GABRG1: variants seen among roughly 807,000 people sequenced by gnomAD.
GABRG1 encodes gamma-aminobutyric acid type A receptor subunit gamma1.
In GABRG1, 49 loss-of-function variants were observed where a neutral mutation model predicts 49.8. That is an observed-to-expected ratio of 0.98 (90% CI 0.78 to 1.25). GABRG1 has a LOEUF of 1.25. Ranked by LOEUF, GABRG1 falls within the 50% of genes most tolerant of loss-of-function variation. The probability of loss-of-function intolerance (pLI) is 0.00; values close to 1 mark genes in which losing one functional copy is unlikely to be tolerated. For synonymous variants in GABRG1, 232 were observed against 185.1 expected (o/e 1.25, Z -2.06); for missense variants, 552 against 552.3 (o/e 1.00, Z 0.01).
At chr4:46,097,725 A>G (rs954685555) in intron 1 of GABRG1, among the ~76,000 whole-genome samples, 2 of 151,646 alleles carry the variant, frequency 1.3e-5, no homozygotes, top group Admixed American at 6.6e-5. Flanking sequence ...AAAAATAAAA[A>G]TTAAAAGGTA....
chr4:46,119,993 G>A (rs955277337), intron 1 of GABRG1, among the ~76,000 whole-genome samples: 4 of 151,610 alleles, frequency 2.6e-5, no homozygotes, highest in African/African-American at 9.7e-5. Context: ...TTAAGTGCTA[G>A]TTTCTTTGCA....
chr4:46,088,343 T>C (rs1719857410), intron 2 of GABRG1, among the ~76,000 whole-genome samples: 2 of 152,096 alleles, frequency 1.3e-5, no homozygotes, highest in South Asian at 2.1e-4. Context: ...GTATGCCTTA[T>C]AGTCTGAACC....
chr4:46,093,723 C>T (rs1720078442), intron 2 of GABRG1, among the ~76,000 whole-genome samples: 1 of 151,738 alleles, frequency 6.6e-6, no homozygotes, highest in Non-Finnish European at 1.5e-5. Flanking sequence ...TGTATACATC[C>T]ACTATGTATC....
At chr4:46,106,822 T>C (rs568912496) in intron 1 of GABRG1, among the ~76,000 whole-genome samples, 143 of 151,216 alleles carry the variant, frequency 9.5e-4, no homozygotes, top group Non-Finnish European at 1.1e-3. Flanking sequence ...AAGCTTGATA[T>C]GAAAAAGAAT....
rs547878715 is a variant in GABRG1, at chr4:46,043,487, A to C, written c.1132-2233T>G. On this transcript the variant is annotated intron_variant, in intron 8 of 8. Coordinates refer to ENST00000295452, the MANE Select transcript of GABRG1 (RefSeq NM_173536.4). Reference sequence around the variant, plus strand: ...AGAAAAATAGCCAAAAATCTAACACAATGTCAATAAAATAAAATATTGATG... The same window carrying C: ...AGAAAAATAGCCAAAAATCTAACACCATGTCAATAAAATAAAATATTGATG... Among the ~76,000 whole-genome samples, 3 of 152,182 alleles carry C rather than the reference A, an allele frequency of 2.0e-5. No homozygotes were observed. The South Asian group carries it at 6.2e-4, about 32-fold the overall frequency.
chr4:46,075,225 T>G (rs571120554), intron 3 of GABRG1, among the ~76,000 whole-genome samples: 2 of 152,104 alleles, frequency 1.3e-5, no homozygotes, highest in Non-Finnish European at 2.9e-5. Context: ...CCTACTAAAT[T>G]TATAGGTGAA....
At position 46,118,121 on chromosome 4, in the gene GABRG1, C is replaced by CAT. The variant is rs1553884484; in HGVS notation, c.104+5688_104+5689insAT. On this transcript the variant is annotated intron_variant, in intron 1 of 8. Coordinates refer to ENST00000295452, the MANE Select transcript of GABRG1 (RefSeq NM_173536.4). ...ATATGTGTGTATATATACATATATA[C>CAT]GTGTGTGTGTGTATATATATATATA... Among the ~76,000 whole-genome samples, 95 of 84,438 alleles carry CAT rather than the reference C, an allele frequency of 1.1e-3. 18 individuals are homozygous for CAT. Among genetic ancestry groups the CAT allele is most frequent in the African/African-American group, 5.9e-3 (86 of 14,694 alleles). The allele number at this position is 84,438 out of a possible 152,430, so 55.4% of individuals were successfully genotyped here.
chr4:46,071,333 A>ATT (rs1719110095), intron 3 of GABRG1, among the ~76,000 whole-genome samples: 1 of 151,254 alleles, frequency 6.6e-6, no homozygotes, highest in African/African-American at 2.4e-5. Flanking sequence ...TGTTAACTGT[A>ATT]TTATATATAT....
chr4:46,043,185 T>C (rs1717851224), intron 8 of GABRG1, among the ~76,000 whole-genome samples: 2 of 151,982 alleles, frequency 1.3e-5, no homozygotes. Flanking sequence ...TAAATGGAAA[T>C]ATGGTGTGTT....
At chr4:46,098,608 G>A (rs76060705) in intron 1 of GABRG1, among the ~76,000 whole-genome samples, 3,652 of 151,864 alleles carry the variant, frequency 0.024, 55 homozygotes, top group African/African-American at 0.035. Context: ...CATCAAGCAT[G>A]AGAATACAAG....
intron 3 of GABRG1, among the ~76,000 whole-genome samples, chr4:46,083,645 T>C (rs1437259646): frequency 6.6e-6 from 1 of 151,650 alleles, no homozygotes; most frequent in Non-Finnish European, 1.5e-5. Flanking sequence ...TCTCTGCCAG[T>C]AAGTCTTTTT....
At chr4:46,045,439 G>A (rs894846329) in intron 8 of GABRG1, among the ~76,000 whole-genome samples, 2 of 151,510 alleles carry the variant, frequency 1.3e-5, no homozygotes, top group Admixed American at 6.6e-5. Context: ...TTTCCAAGGA[G>A]AAAATAGAAA....
At chr4:46,072,063 A>G (rs1719147695) in intron 3 of GABRG1, among the ~76,000 whole-genome samples, 1 of 152,048 alleles carries the variant, frequency 6.6e-6, no homozygotes, top group African/African-American at 2.4e-5. Context: ...CAGGTATACC[A>G]TTTTTATCTT....
chr4:46,108,030 A>G (rs539559499), intron 1 of GABRG1, among the ~76,000 whole-genome samples: 4 of 151,432 alleles, frequency 2.6e-5, no homozygotes, highest in South Asian at 4.1e-4. Context: ...CACATTCTGC[A>G]CATTTTAAAT....
intron 2 of GABRG1, among the ~76,000 whole-genome samples, chr4:46,088,765 A>ACACACC (rs1491108091): frequency 7.6e-5 from 11 of 143,892 alleles, no homozygotes; most frequent in South Asian, 2.2e-4. Flanking sequence ...ACACACACAC[A>ACACACC]CCCCATATAT....
At chr4:46,108,556 T>C (rs755280603) in intron 1 of GABRG1, among the ~76,000 whole-genome samples, 3 of 151,028 alleles carry the variant, frequency 2.0e-5, no homozygotes, top group Non-Finnish European at 3.0e-5. Context: ...CTGAACATAT[T>C]AATCCTTACC....
chr4:46,115,438 G>A (rs1720853480), intron 1 of GABRG1, among the ~76,000 whole-genome samples: 1 of 150,548 alleles, frequency 6.6e-6, no homozygotes, highest in Non-Finnish European at 1.5e-5. Flanking sequence ...ATATACCATG[G>A]CATTAGGGAA....
rs899871992 is a variant in GABRG1 at position 46,038,080 on chromosome 4, C to A, written c.*2908G>T. 6.6e-6 allele frequency: 1 copy of A among 151,690 alleles called. No homozygotes were observed. The highest frequency in any genetic ancestry group is 6.6e-5 in the Admixed American group (1 of 15,166). The allele number at this position is 151,690 out of a possible 1,614,324, so 9.4% of individuals were successfully genotyped here. On this transcript the variant is annotated 3_prime_UTR_variant, in exon 9 of 9. Coordinates refer to ENST00000295452, the MANE Select transcript of GABRG1 (RefSeq NM_173536.4). ...AATTTTAAAAACTTATTAAAGAAAT[C>A]TGTCTTTAACTTAAAATAAAATGCC...
At chr4:46,053,286 G>A (rs540572988) in intron 7 of GABRG1, among the ~76,000 whole-genome samples, 1 of 151,668 alleles carries the variant, frequency 6.6e-6, no homozygotes, top group South Asian at 2.1e-4. Context: ...TGATCTATAT[G>A]CACTTGAAAA....
Sources: allele counts gnomAD v4.1 joint callset (sites outside exome capture counted in the v4.1 genomes callset), GRCh38; gene constraint gnomAD v4.1.1; transcripts MANE v1.5; gene names NCBI Gene and HGNC (gene_info 2026-07-23, HGNC 2026-07-21).